Variants in SLC36A1 observed in about 807,000 individuals in gnomAD.
SLC36A1 encodes the protein proton-coupled amino acid transporter 1.
A neutral mutation model predicts 47.5 loss-of-function variants in SLC36A1; 30 were observed. The observed-to-expected ratio is 0.63, with a 90% CI of 0.47 to 0.86. The LOEUF (loss-of-function observed/expected upper bound fraction) is 0.86, where lower values mean the gene tolerates loss of function less well. Among genes scored for constraint, SLC36A1 ranks in the 40% least tolerant of loss-of-function variants. The pLI, the probability that SLC36A1 is intolerant of heterozygous loss-of-function variation, is 0.00. For synonymous variants in SLC36A1, 255 were observed against 249.7 expected (o/e 1.02, Z -0.20); for missense variants, 517 against 606.0 (o/e 0.85, Z 1.54).
At chr5:151,426,521 GTAAAGAGCA>G in the SLC36A1 span, among the ~76,000 whole-genome samples, 3 of 152,096 alleles carry the variant, frequency 2.0e-5, no homozygotes, top group African/African-American at 7.2e-5. Context: ...TCTCAGTGCA[GTAAAGAGCA>G]GTATTGCCAC....
In SLC36A1 at chr5:151,456,295, C is replaced by T. The variant is rs189055666; in HGVS notation, c.-5-2493C>T. 9.2e-5 allele frequency among the ~76,000 whole-genome samples: 14 copies of T among 152,304 alleles called. No individual in the cohort carries two copies. The East Asian group carries it at 2.5e-3, about 27-fold the overall frequency. ...AAATGCTGGGATTACAGGTGTGAGA[C>T]ACTGCACTCAGCTGCTGTTTGCATA... On this transcript the variant is annotated intron_variant, in intron 1 of 10. Coordinates refer to ENST00000243389, the MANE Select transcript of SLC36A1 (RefSeq NM_078483.4).
At chr5:151,465,271 T>C in intron 5 of SLC36A1, 102 bp downstream of exon 5, 1 of 942,814 alleles carries the variant, frequency 1.1e-6, no homozygotes, top group Non-Finnish European at 1.7e-6. Context: ...GAAAGAGTGC[T>C]GTTTGGGTCA....
At chr5:151,482,676 C>G (rs1386925482) in intron 10 of SLC36A1, among the ~76,000 whole-genome samples, 4 of 152,088 alleles carry the variant, frequency 2.6e-5, no homozygotes, top group Admixed American at 6.5e-5. Context: ...TCGTGGTATT[C>G]CACTGTATTG....
At chr5:151,426,201 G>A in the SLC36A1 span, among the ~76,000 whole-genome samples, 1 of 152,210 alleles carries the variant, frequency 6.6e-6, no homozygotes, top group African/African-American at 2.4e-5. Context: ...CTCATCAGGT[G>A]GGACGAGAGA....
chr5:151,469,216 G>A (rs189728036), intron 7 of SLC36A1: 16 of 697,506 alleles, frequency 2.3e-5, no homozygotes, highest in African/African-American at 8.7e-5. Context: ...TCAGGGACCC[G>A]CTGTATGTGA....
At chr5:151,426,325 A>G in the SLC36A1 span, among the ~76,000 whole-genome samples, 3 of 152,044 alleles carry the variant, frequency 2.0e-5, no homozygotes, top group Admixed American at 2.0e-4. Context: ...GAGTTCCCTC[A>G]GTATTTATTG....
chr5:151,544,124 G>C, the SLC36A1 span: 1 of 1,614,186 alleles, frequency 6.2e-7, no homozygotes, highest in Non-Finnish European at 8.5e-7. Context: ...TCCAGTTCTT[G>C]AACTGTGGAC....
At chr5:151,389,518 G>A in the SLC36A1 span, among the ~76,000 whole-genome samples, 4 of 151,046 alleles carry the variant, frequency 2.6e-5, no homozygotes, top group African/African-American at 9.8e-5. Context: ...CCATTAACTC[G>A]TCATTTACAT....
the SLC36A1 span, chr5:151,517,787 T>C: frequency 1.9e-6 from 3 of 1,613,542 alleles, no homozygotes; most frequent in Non-Finnish European, 2.5e-6. Context: ...ACCAAAGCTG[T>C]CACCTCTACT....
chr5:151,474,178 A>AAAAAAAAAAAAAAGAG lies in SLC36A1; in HGVS notation c.822+408_822+409insAAAAAAAAAAAAGAGA, dbSNP rs776318482. Among the ~76,000 whole-genome samples the AAAAAAAAAAAAAAGAG allele has an allele frequency of 8.5e-3, 1,005 of 118,664 alleles. 46 individuals are homozygous for AAAAAAAAAAAAAAGAG. The highest frequency in any genetic ancestry group is 0.014 in the East Asian group (56 of 3,864). The allele number at this position is 118,664 out of a possible 152,430, so 77.8% of individuals were successfully genotyped here. A position where few individuals can be genotyped will look rare whatever the true frequency, so the allele number is the denominator to read the frequency against. ...CTGTCTCAAAAAAAAAAAAAAAAAA[A>AAAAAAAAAAAAAAGAG]AGAAATTATCTTCTGTAACTCACTG... is the stretch of plus-strand genomic sequence containing the variant. On this transcript the variant is annotated intron_variant, in intron 8 of 10. Transcript: ENST00000243389.
the SLC36A1 span, among the ~76,000 whole-genome samples, chr5:151,368,514 C>T: frequency 1.3e-5 from 2 of 152,106 alleles, no homozygotes; most frequent in African/African-American, 2.4e-5. Flanking sequence ...CACCATATAC[C>T]CAAGAAAAAG....
chr5:151,497,230 T>C (rs527391266), downstream of SLC36A1, among the ~76,000 whole-genome samples: 1 of 152,148 alleles, frequency 6.6e-6, no homozygotes, highest in East Asian at 1.9e-4. Context: ...TCACTTTAAG[T>C]ATGATGTAAG....
At chr5:151,390,156 G>T in the SLC36A1 span, among the ~76,000 whole-genome samples, 1 of 152,142 alleles carries the variant, frequency 6.6e-6, no homozygotes, top group African/African-American at 2.4e-5. Context: ...TTCTCTGATG[G>T]CCAGTGATGA....
chr5:151,553,497 C>A, the SLC36A1 span: 1 of 906,862 alleles, frequency 1.1e-6, no homozygotes, highest in South Asian at 1.6e-5. Context: ...GCAGGCCTCT[C>A]ATCCAGTCAT....
At chr5:151,555,650 A>T in the SLC36A1 span, among the ~76,000 whole-genome samples, 2 of 152,186 alleles carry the variant, frequency 1.3e-5, no homozygotes, top group Non-Finnish European at 2.9e-5. Flanking sequence ...GATTACAGGC[A>T]TGAGCCACCG....
chr5:151,458,905 A>C lies in SLC36A1; in HGVS notation c.113A>C (p.Tyr38Ser). The change falls in exon 2 of 11, where the codon TAC (tyrosine) becomes TCC (serine). Residue 38 changes from tyrosine to serine, a missense_variant. Physicochemically the swap from Tyr to Ser is moderately radical, Grantham distance 144. Coordinates refer to ENST00000243389, the MANE Select transcript of SLC36A1 (RefSeq NM_078483.4). Reference sequence around the variant, plus strand: ...AACAACCTCTCCTCCCCGGGCTCCTACCAGCGCTTTGGTCAAAGCAATAGC... The same window carrying C: ...AACAACCTCTCCTCCCCGGGCTCCTCCCAGCGCTTTGGTCAAAGCAATAGC... ...GLNNLSSPGS[Y>S]QRFGQSNSTT... The C allele has an allele frequency of 6.2e-7, 1 of 1,613,684 alleles. No individual in the cohort carries two copies. Among genetic ancestry groups the C allele is most frequent in the Admixed American group, 1.7e-5 (1 of 60,008 alleles).
the SLC36A1 span, chr5:151,534,554 C>T: frequency 5.0e-6 from 8 of 1,613,970 alleles, no homozygotes; most frequent in African/African-American, 1.3e-5. Context: ...CTGCCTGGCA[C>T]GATCGGCCAC....
At chr5:151,442,168 ATG>A (rs1752667620) in intron 1 of SLC36A1, among the ~76,000 whole-genome samples, 1 of 152,176 alleles carries the variant, frequency 6.6e-6, no homozygotes, top group African/African-American at 2.4e-5. Flanking sequence ...TTTCAAATAA[ATG>A]TTTTTGTGTA....
the SLC36A1 span, chr5:151,504,036 C>G: frequency 6.6e-6 from 1 of 152,422 alleles, no homozygotes; most frequent in African/African-American, 2.4e-5. Context: ...CTTGGAACGG[C>G]CTGTGGACCC....
Sources: gnomAD v4.1 joint callset for allele counts (sites outside exome capture counted in the v4.1 genomes callset) on GRCh38, gnomAD v4.1.1 for gene constraint, MANE v1.5 for transcripts, NCBI Gene and HGNC (gene_info 2026-07-23, HGNC 2026-07-21) for gene names.